Variants in ABCA13 observed in about 807,000 individuals in gnomAD.
ABCA13 encodes the protein ATP-binding cassette sub-family A member 13.
Under a neutral mutation model 478.7 loss-of-function variants are expected in ABCA13, and 476 were observed. The ratio of observed to expected loss-of-function variants is 0.99; its 90% CI spans 0.92 to 1.07. The LOEUF (loss-of-function observed/expected upper bound fraction) is 1.07. ABCA13 is among the 50% of genes least tolerant of loss of function. The pLI is 0.00. For missense variants in ABCA13, 6,060 were observed against 5,910.6 expected, an observed-to-expected ratio of 1.03 and a Z score of -0.83; for synonymous variants, 2,252 against 2,158.9, an observed-to-expected ratio of 1.04 and a Z score of -1.20.
In ABCA13 at chr7:48,645,848, T is replaced by A. The variant is rs1200585468; in HGVS notation, c.*336T>A. On this transcript the variant is annotated 3_prime_UTR_variant, in exon 62 of 62. Coordinates refer to ENST00000435803, the MANE Select transcript of ABCA13 (RefSeq NM_152701.5). Reference sequence around the variant, plus strand: ...AGCTGGAAAGCCTGTCACACTAGAGTGTGTGTGACATGTCCACTCTAAACA... The same window carrying A: ...AGCTGGAAAGCCTGTCACACTAGAGAGTGTGTGACATGTCCACTCTAAACA... 3.7e-6 allele frequency: 1 copy of A among 267,340 alleles called. No individual in the cohort carries two copies. Among genetic ancestry groups the A allele is most frequent in the Non-Finnish European group, 7.1e-6 (1 of 140,678 alleles). 16.6% of individuals were successfully genotyped at this position (267,340 alleles called of 1,614,324 possible).
intron 27 of ABCA13, among the ~76,000 whole-genome samples, chr7:48,320,395 C>T (rs1262839262): frequency 2.6e-5 from 4 of 152,204 alleles, no homozygotes; most frequent in Admixed American, 2.0e-4. Flanking sequence ...ACTCAAGGTG[C>T]TATAGCTGTC....
intron 27 of ABCA13, 138 bp from the exon 28 acceptor site, chr7:48,335,284 T>A: frequency 1.7e-6 from 1 of 583,038 alleles, no homozygotes; most frequent in Middle Eastern, 2.9e-4. Context: ...GAACTTTTCA[T>A]GTTATTGAGG....
chr7:48,287,862 T>C (rs1197115732), intron 19 of ABCA13, 98 bp from the exon 20 acceptor site: 3 of 863,102 alleles, frequency 3.5e-6, no homozygotes, highest in Non-Finnish European at 5.6e-6. Flanking sequence ...GTTTAGGAAT[T>C]TGTATCACTT....
At position 48,643,297 on chromosome 7, in the gene ABCA13, T is replaced by A; in HGVS notation, c.14847T>A (p.Asp4949Glu). The part of the protein sequence containing the change: ...SPQHIKNRFG[D>E]GYTVKVWLCK... ...TTTATTTAACTCTCAGGTTTGGTGA[T>A]GGTTATACAGTCAAAGTTTGGCTCT... Residue 4949 changes from aspartate (D) to glutamate (E), a missense_variant, in exon 60 of 62, where the codon GAT becomes GAA. Around this residue, in one of 3 missense-constraint regions of ABCA13, gnomAD observed 1,627 missense variants for 1,571.0 expected, o/e 1.04. Transcript: ENST00000435803. The A allele has an allele frequency of 1.2e-6, 2 of 1,607,666 alleles. No individual in the cohort carries two copies. Among genetic ancestry groups the A allele is most frequent in the East Asian group, 2.2e-5 (1 of 44,814 alleles).
At chr7:48,438,649 T>C (rs1458571312) in intron 42 of ABCA13, among the ~76,000 whole-genome samples, 1 of 151,912 alleles carries the variant, frequency 6.6e-6, no homozygotes, top group Non-Finnish European at 1.5e-5. Context: ...CTGTTGAGGC[T>C]GAAACTTATC....
Position 48,372,363 on chromosome 7 carries a change from C to G in ABCA13, c.10999C>G (p.Leu3667Val). The change falls in exon 33 of 62, where the codon CTC becomes GTC. Residue 3667 changes from leucine to valine, a missense_variant. This residue lies in a region of ABCA13 where 4,423 missense variants were observed against 4,309.1 expected (regional missense o/e 1.03). Transcript: ENST00000435803. ...FGMSVVMLSY[L>V]LSAFFSQANT... ...GATGTCAGTCGTCATGCTGAGCTAC[C>G]TCTTGAGTGCATTTTTCAGCCAAGC... 1 of 1,613,886 alleles carries G rather than the reference C, an allele frequency of 6.2e-7. No individual in the cohort carries two copies. Among genetic ancestry groups the G allele is most frequent in the Middle Eastern group, 1.6e-4 (1 of 6,062 alleles).
At position 48,269,034 on chromosome 7, in the gene ABCA13, G is replaced by A. The variant is rs779479172; in HGVS notation, c.2060G>A (p.Ser687Asn). ...GAAAACATGGATTGGAAAATGATCAGTGATAATTATTTTCAATTTTTGAAT... is the reference window on the plus strand; with the variant it reads ...GAAAACATGGATTGGAAAATGATCAATGATAATTATTTTCAATTTTTGAAT... Reference protein sequence around the residue: ...FEENMDWKMISDNYFQFLNNL... With the variant: ...FEENMDWKMINDNYFQFLNNL... The change falls in exon 16 of 62, where the codon AGT (serine) becomes AAT (asparagine). Residue 687 changes from serine (S) to asparagine (N), a missense_variant. Ser to Asn is a conservative substitution (Grantham distance 46). Around this residue, in one of 3 missense-constraint regions of ABCA13, gnomAD observed 4,423 missense variants for 4,309.1 expected, o/e 1.03. Coordinates refer to ENST00000435803, the MANE Select transcript of ABCA13 (RefSeq NM_152701.5). The A allele has an allele frequency of 6.2e-7, 1 of 1,604,750 alleles. No homozygotes were observed. The highest frequency in any genetic ancestry group is 1.1e-5 in the South Asian group (1 of 90,218).
At chr7:48,519,855 G>A (rs1832411959) in intron 52 of ABCA13, among the ~76,000 whole-genome samples, 186 bp from the exon 53 acceptor site, 2 of 152,158 alleles carry the variant, frequency 1.3e-5, no homozygotes, top group South Asian at 2.1e-4. Context: ...AATACCAGTA[G>A]ATCTAATTAA....
At chr7:48,257,749 G>A (rs1793607874) in intron 15 of ABCA13, among the ~76,000 whole-genome samples, 1 of 152,090 alleles carries the variant, frequency 6.6e-6, no homozygotes, top group Admixed American at 6.6e-5. Context: ...CAAGCATACT[G>A]GCCTGAAATT....
chr7:48,371,060 G>T (rs1274340426), intron 32 of ABCA13, among the ~76,000 whole-genome samples: 1 of 152,008 alleles, frequency 6.6e-6, no homozygotes, highest in Non-Finnish European at 1.5e-5. Context: ...GCTTATTTTT[G>T]TCAGGTTTGT....
At chr7:48,475,477 T>TTTTG in intron 45 of ABCA13, among the ~76,000 whole-genome samples, 1 of 145,658 alleles carries the variant, frequency 6.9e-6, no homozygotes, top group Admixed American at 6.9e-5. Flanking sequence ...TTTTTTTTTT[T>TTTTG]TTTTTTGAGA....
At chr7:48,319,153 G>T (rs1803030673) in intron 27 of ABCA13, among the ~76,000 whole-genome samples, 1 of 152,148 alleles carries the variant, frequency 6.6e-6, no homozygotes, top group African/African-American at 2.4e-5. Context: ...AGGATTGTGG[G>T]CCTGGACAGA....
chr7:48,561,773 T>G (rs572210616), intron 55 of ABCA13, among the ~76,000 whole-genome samples: 18 of 152,302 alleles, frequency 1.2e-4, no homozygotes, highest in African/African-American at 4.1e-4. Flanking sequence ...CTTGAGTTTT[T>G]GGAGTCAAGT....
intron 10 of ABCA13, among the ~76,000 whole-genome samples, chr7:48,242,588 C>A (rs1270801754): frequency 6.6e-6 from 1 of 152,114 alleles, no homozygotes; most frequent in African/African-American, 2.4e-5. Flanking sequence ...CAGGCTCACA[C>A]CACTACTGCC....
chr7:48,617,565 G>C (rs1052767175), intron 59 of ABCA13, among the ~76,000 whole-genome samples: 6 of 152,140 alleles, frequency 3.9e-5, no homozygotes, highest in Non-Finnish European at 7.3e-5. Context: ...TCCCACAGAG[G>C]GGGGACCCAG....
At chr7:48,341,447 C>A (rs1483899953) in intron 29 of ABCA13, among the ~76,000 whole-genome samples, 1 of 151,918 alleles carries the variant, frequency 6.6e-6, no homozygotes, top group Non-Finnish European at 1.5e-5. Flanking sequence ...TTTGTGGGTT[C>A]ATATTAATCA....
At position 48,580,326 on chromosome 7, in the gene ABCA13, C is replaced by G. The variant is rs1453981096; in HGVS notation, c.14457C>G (p.Leu4819=). Residue 4819 remains leucine, a synonymous_variant, in exon 56 of 62, where the codon CTC becomes CTG. Coordinates refer to ENST00000435803, the MANE Select transcript of ABCA13 (RefSeq NM_152701.5). ...LDELLTGWEH[L]YYYCSLRGIP... ...AGCTTCTGACTGGTTGGGAACATCT[C>G]TATTATTACTGTAGCTTACGCGGGA... The G allele has an allele frequency of 1.9e-6, 3 of 1,613,044 alleles. No individual in the cohort carries two copies. The highest frequency in any genetic ancestry group is 2.5e-6 in the Non-Finnish European group (3 of 1,179,626).
At chr7:48,388,804 A>G (rs1035625973) in intron 36 of ABCA13, among the ~76,000 whole-genome samples, 1 of 151,528 alleles carries the variant, frequency 6.6e-6, no homozygotes, top group Admixed American at 6.6e-5. Flanking sequence ...TATTTTTTTT[A>G]TTTTTTACAA....
At chr7:48,388,076 T>C in intron 36 of ABCA13, 117 bp downstream of exon 36, 2 of 1,110,552 alleles carry the variant, frequency 1.8e-6, no homozygotes, top group Non-Finnish European at 2.5e-6. Flanking sequence ...CTAGAGAGAC[T>C]TACATTTAGG....
Sources: allele counts gnomAD v4.1 joint callset (sites outside exome capture counted in the v4.1 genomes callset), GRCh38; gene constraint gnomAD v4.1.1; regional missense constraint gnomAD v4.1.1; transcripts MANE v1.5; gene names NCBI Gene and HGNC (gene_info 2026-07-23, HGNC 2026-07-21).